The following DPP6 variants were observed in gnomAD, a reference collection of about 807,000 sequenced individuals.
DPP6 encodes the protein A-type potassium channel modulatory protein DPP6.
In DPP6, 69 loss-of-function variants were observed where a neutral mutation model predicts 122.6. The observed-to-expected ratio is 0.56, with a 90% confidence interval of 0.46 to 0.69. The LOEUF is 0.69. DPP6 is among the 30% of genes least tolerant of loss of function. DPP6 has a pLI of 0.00. For missense variants in DPP6, 928 were observed against 1,116.9 expected, an observed-to-expected ratio of 0.83 and a Z score of 2.41; for synonymous variants, 418 against 433.1, an observed-to-expected ratio of 0.97 and a Z score of 0.43.
intron 1 of DPP6, among the ~76,000 whole-genome samples, chr7:154,113,412 T>TATATATATATATATATATATAC (rs1472172445): frequency 1.4e-5 from 2 of 141,814 alleles, no homozygotes; most frequent in East Asian, 4.6e-4. Context: ...TATATATATA[T>TATATATATATATATATATATAC]ACACACACAC....
chr7:154,156,992 T>C (rs1215633275), intron 1 of DPP6, among the ~76,000 whole-genome samples: 7 of 152,276 alleles, frequency 4.6e-5, no homozygotes, highest in Non-Finnish European at 8.8e-5. Flanking sequence ...GAAGAACAGG[T>C]TAGCTTTATA....
Position 154,875,689 on chromosome 7 carries a change from T to C in DPP6, c.1884-217T>C, listed in dbSNP as rs62472972. ...TGTGTAGGGATGGCCCTGGGTGTCC[T>C]AGGCTCTTGGAGGTCTCCTCTTCCT... On this transcript the variant is annotated intron_variant, in intron 19 of 25. Coordinates refer to ENST00000377770, the MANE Select transcript of DPP6 (RefSeq NM_130797.4). The surrounding 1 kb of genome is among the most constrained non-coding windows in gnomAD (Gnocchi z 4.5). Among the ~76,000 whole-genome samples, 25,855 of 152,082 alleles carry C rather than the reference T, an allele frequency of 0.17. 2,590 individuals are homozygous for C. The highest frequency in any genetic ancestry group is 0.54 in the East Asian group (2,782 of 5,160).
the DPP6 span, among the ~76,000 whole-genome samples, chr7:153,845,647 C>CT: frequency 6.6e-6 from 1 of 151,996 alleles, no homozygotes; most frequent in Admixed American, 6.6e-5. Flanking sequence ...TCATACTAGG[C>CT]TAAGTGTTTC....
At chr7:154,227,564 T>C (rs1800684272) in intron 1 of DPP6, among the ~76,000 whole-genome samples, 1 of 152,220 alleles carries the variant, frequency 6.6e-6, no homozygotes, top group African/African-American at 2.4e-5. Context: ...GTTATCTGTT[T>C]ATATCACAAT....
At chr7:153,985,628 A>T (rs1480465555) in intron 1 of DPP6, among the ~76,000 whole-genome samples, 3 of 152,202 alleles carry the variant, frequency 2.0e-5, no homozygotes, top group African/African-American at 7.2e-5. Context: ...AGTAGATTAT[A>T]TTGACAGGCA....
chr7:154,349,165 TTTG>T (rs944041705), intron 1 of DPP6, among the ~76,000 whole-genome samples: 7 of 152,146 alleles, frequency 4.6e-5, no homozygotes, highest in Admixed American at 2.0e-4. Flanking sequence ...GTTGTTGTTG[TTTG>T]TTGTTGTTGT....
At chr7:153,855,687 A>G in the DPP6 span, among the ~76,000 whole-genome samples, 1 of 152,138 alleles carries the variant, frequency 6.6e-6, no homozygotes, top group Non-Finnish European at 1.5e-5. Flanking sequence ...GTGTTTGGGC[A>G]CACCTCAACA....
At chr7:154,133,181 GA>G (rs1795376253) in intron 1 of DPP6, among the ~76,000 whole-genome samples, 1 of 152,140 alleles carries the variant, frequency 6.6e-6, no homozygotes, top group South Asian at 2.1e-4. Flanking sequence ...ATACCTCATA[GA>G]AACAGGCTCA....
At chr7:154,199,310 C>T (rs746787194) in intron 1 of DPP6, among the ~76,000 whole-genome samples, 9 of 152,160 alleles carry the variant, frequency 5.9e-5, no homozygotes, top group Non-Finnish European at 1.2e-4. Context: ...TTTCAGTAGG[C>T]GCTGCTCCTA....
intron 8 of DPP6, among the ~76,000 whole-genome samples, chr7:154,758,040 G>C (rs1587047665): frequency 6.6e-6 from 1 of 151,420 alleles, no homozygotes; most frequent in Non-Finnish European, 1.5e-5. Context: ...TTGGGCACAC[G>C]CACCTTCCGT....
intron 7 of DPP6, among the ~76,000 whole-genome samples, chr7:154,693,569 G>A (rs147459764): frequency 6.6e-6 from 1 of 152,238 alleles, no homozygotes; most frequent in Non-Finnish European, 1.5e-5. Flanking sequence ...CTCCCAGGTG[G>A]GTGGGAGGCC....
intron 1 of DPP6, among the ~76,000 whole-genome samples, chr7:154,399,667 T>C (rs558107725): frequency 6.6e-6 from 1 of 152,242 alleles, no homozygotes; most frequent in Admixed American, 6.5e-5. Context: ...AAAAGAAGTC[T>C]GTCTCTGCAC....
rs141045204 is a variant in DPP6, at chr7:154,423,179, G to A, written c.244-23035G>A. Among the ~76,000 whole-genome samples the A allele has an allele frequency of 6.0e-3, 909 of 152,294 alleles. 10 individuals are homozygous for A. Among genetic ancestry groups the A allele is most frequent in the African/African-American group, 0.02 (829 of 41,550 alleles). On this transcript the variant is annotated intron_variant, in intron 1 of 25. Transcript: ENST00000377770. ...ATTGCAATAGGGAAAAGAATACAACGTGAACTAAATTCAACTTCCATTTGT... is the reference window on the plus strand; with the variant it reads ...ATTGCAATAGGGAAAAGAATACAACATGAACTAAATTCAACTTCCATTTGT...
At position 154,422,499 on chromosome 7, in the gene DPP6, A is replaced by G. The variant is rs1817546892; in HGVS notation, c.244-23715A>G. ...TAAAATTAATAGGCTAATAAGGGCA[A>G]TGATCACCTTCAAAAAACACACAAT... On this transcript the variant is annotated intron_variant, in intron 1 of 25. Transcript: ENST00000377770. Among the ~76,000 whole-genome samples, 3 of 152,180 alleles carry G rather than the reference A, an allele frequency of 2.0e-5. No homozygotes were observed. In the South Asian group the frequency reaches 6.2e-4, roughly 32 times the overall value.
intron 2 of DPP6, among the ~76,000 whole-genome samples, chr7:154,469,621 G>T (rs1441441277): frequency 6.6e-6 from 1 of 152,060 alleles, no homozygotes; most frequent in Non-Finnish European, 1.5e-5. Context: ...AAATTTCATT[G>T]TTTCTAATCT....
chr7:154,469,342 T>G (rs950704463), intron 2 of DPP6, among the ~76,000 whole-genome samples: 12 of 152,230 alleles, frequency 7.9e-5, no homozygotes, highest in African/African-American at 2.7e-4. Context: ...GTTGGATGAC[T>G]CTAGAGAGAT....
chr7:153,781,891 G>A, the DPP6 span, among the ~76,000 whole-genome samples: 1 of 149,262 alleles, frequency 6.7e-6, no homozygotes. Context: ...TTTAAATCAA[G>A]TCATAAAGCA....
chr7:154,012,605 A>G (rs1798201323), intron 1 of DPP6, among the ~76,000 whole-genome samples: 2 of 152,002 alleles, frequency 1.3e-5, no homozygotes, highest in South Asian at 2.1e-4. Flanking sequence ...TAAGAATGCT[A>G]TATAATTCAA....
chr7:154,786,620 C>T (rs1797354611), intron 10 of DPP6, among the ~76,000 whole-genome samples: 1 of 152,194 alleles, frequency 6.6e-6, no homozygotes, highest in African/African-American at 2.4e-5. Context: ...CCTGAGGCCT[C>T]TGCAGCCCTG....
Sources: allele counts gnomAD v4.1 joint callset (sites outside exome capture counted in the v4.1 genomes callset), GRCh38; gene constraint gnomAD v4.1.1; non-coding constraint Gnocchi (gnomAD v3.1); transcripts MANE v1.5; gene names NCBI Gene and HGNC (gene_info 2026-07-23, HGNC 2026-07-21).